Variants in TAF12 observed in about 807,000 individuals in gnomAD.
The protein encoded by TAF12 is TATA-box binding protein associated factor 12, also known as transcription initiation factor TFIID subunit 12.
Under a neutral mutation model 20.8 loss-of-function variants are expected in TAF12, and 3 were observed. The ratio of observed to expected loss-of-function variants is 0.14; its 90% CI spans 0.07 to 0.37. The LOEUF (loss-of-function observed/expected upper bound fraction) is 0.37, where lower values mean the gene tolerates loss of function less well. TAF12 is among the 10% of genes least tolerant of loss of function. The probability of loss-of-function intolerance (pLI) is 1.00; values close to 1 mark genes in which losing one functional copy is unlikely to be tolerated. For synonymous variants in TAF12, 69 were observed against 70.2 expected, an observed-to-expected ratio of 0.98 and a Z score of 0.09; for missense variants, 131 against 197.9, an observed-to-expected ratio of 0.66 and a Z score of 2.03.
chr1:28,643,288 G>A (rs1004833080), upstream of TAF12: 2 of 179,124 alleles, frequency 1.1e-5, no homozygotes, highest in Non-Finnish European at 2.2e-5. Context: ...ATTCCAACCC[G>A]GCGTTAAGAA....
intron 3 of TAF12, among the ~76,000 whole-genome samples, chr1:28,614,304 C>G (rs989439338): frequency 6.6e-6 from 1 of 152,044 alleles, no homozygotes; most frequent in Non-Finnish European, 1.5e-5. Context: ...TGGCTCACAC[C>G]TATAATCCCA....
chr1:28,641,240 G>A (rs991667439), intron 1 of TAF12, among the ~76,000 whole-genome samples: 44 of 151,980 alleles, frequency 2.9e-4, no homozygotes, highest in Admixed American at 3.9e-4. Context: ...CCAGCACTTC[G>A]GGAGGCTGAG....
intron 3 of TAF12, among the ~76,000 whole-genome samples, chr1:28,616,395 CAAAA>C (rs534264411): frequency 1.4e-5 from 1 of 73,204 alleles, no homozygotes; most frequent in Non-Finnish European, 2.8e-5. Flanking sequence ...GATTCTGTCT[CAAAA>C]AAAAAAAAAA....
intron 1 of TAF12, among the ~76,000 whole-genome samples, chr1:28,628,022 G>C (rs942395500): frequency 2.0e-5 from 3 of 151,896 alleles, no homozygotes; most frequent in Admixed American, 1.3e-4. Context: ...GAGCATTCAA[G>C]ATCTGTGAAT....
chr1:28,632,477 T>C lies in TAF12; in HGVS notation c.-84-10312A>G, dbSNP rs4252978. Among the ~76,000 whole-genome samples, 686 of 152,014 alleles carry C rather than the reference T, an allele frequency of 4.5e-3. 3 individuals carry two copies. The highest frequency in any genetic ancestry group is 7.5e-3 in the Non-Finnish European group (511 of 67,974). On this transcript the variant is annotated intron_variant, in intron 1 of 5. Transcript: ENST00000373824. ...GTTGCAGTGTGCAGAGATCGCACCA[T>C]TGCACTCCAGCCTGGGCAGCAGAGT...
At chr1:28,639,078 C>T (rs1667943770) in intron 1 of TAF12, among the ~76,000 whole-genome samples, 1 of 151,656 alleles carries the variant, frequency 6.6e-6, no homozygotes, top group African/African-American at 2.4e-5. Flanking sequence ...CCCGGCTGGC[C>T]TATTTTAATT....
At chr1:28,617,323 T>C (rs1411816780) in intron 3 of TAF12, among the ~76,000 whole-genome samples, 1 of 152,156 alleles carries the variant, frequency 6.6e-6, no homozygotes, top group East Asian at 1.9e-4. Flanking sequence ...TGTGCTCTTA[T>C]TTTATTTATT....
intron 2 of TAF12, among the ~76,000 whole-genome samples, chr1:28,620,022 C>T (rs144937785): frequency 6.6e-6 from 1 of 151,802 alleles, no homozygotes; most frequent in Non-Finnish European, 1.5e-5. Flanking sequence ...AAAATGCTAA[C>T]CATGGCTATT....
At chr1:28,616,608 C>A (rs1376819679) in intron 3 of TAF12, among the ~76,000 whole-genome samples, 2 of 151,684 alleles carry the variant, frequency 1.3e-5, no homozygotes, top group Non-Finnish European at 1.5e-5. Flanking sequence ...GTGGCACATG[C>A]CTATAATCCC....
intron 1 of TAF12, among the ~76,000 whole-genome samples, chr1:28,634,285 G>T (rs191174392): frequency 6.6e-6 from 1 of 151,522 alleles, no homozygotes; most frequent in Non-Finnish European, 1.5e-5. Flanking sequence ...GCGTGGTGGC[G>T]CTTGCCTGTA....
At chr1:28,632,666 A>T (rs1351051455) in intron 1 of TAF12, among the ~76,000 whole-genome samples, 1 of 152,102 alleles carries the variant, frequency 6.6e-6, no homozygotes, top group Non-Finnish European at 1.5e-5. Context: ...ATAGGGATGG[A>T]AAACAGATCA....
chr1:28,636,530 C>T (rs1419839951), intron 1 of TAF12, among the ~76,000 whole-genome samples: 1 of 151,476 alleles, frequency 6.6e-6, no homozygotes, highest in Non-Finnish European at 1.5e-5. Flanking sequence ...GTGGCTCACA[C>T]CTATAATTCT....
rs542448946 is a variant in TAF12, at chr1:28,606,067, C to T, written c.362-607G>A. ...AAGTTGGAGTGCAGTGGTGCGATCT[C>T]GGCTCACTGAAACCTCTGCCACCTG... On this transcript the variant is annotated intron_variant, in intron 4 of 5. Coordinates refer to ENST00000373824, the MANE Select transcript of TAF12 (RefSeq NM_005644.4). Among the ~76,000 whole-genome samples the T allele has an allele frequency of 2.6e-5, 4 of 152,014 alleles. No individual in the cohort carries two copies. In the South Asian group the frequency reaches 6.2e-4, roughly 24 times the overall value.
chr1:28,635,896 C>T (rs1182863274), intron 1 of TAF12, among the ~76,000 whole-genome samples: 1 of 151,414 alleles, frequency 6.6e-6, no homozygotes, highest in African/African-American at 2.4e-5. Context: ...CCTTTTTTTA[C>T]CTCTGAAATG....
At chr1:28,638,618 C>T (rs781079679) in intron 1 of TAF12, among the ~76,000 whole-genome samples, 3 of 149,060 alleles carry the variant, frequency 2.0e-5, no homozygotes, top group Non-Finnish European at 1.5e-5. Context: ...CCCAGGTAGC[C>T]GGGATTATAA....
intron 1 of TAF12, among the ~76,000 whole-genome samples, chr1:28,640,652 C>A (rs1276565514): frequency 1.3e-5 from 2 of 152,172 alleles, no homozygotes; most frequent in Non-Finnish European, 1.5e-5. Context: ...AAGGAAGTGA[C>A]TGGTGCAAGT....
intron 2 of TAF12, among the ~76,000 whole-genome samples, chr1:28,619,302 G>A (rs1667133396): frequency 6.6e-6 from 1 of 151,430 alleles, no homozygotes; most frequent in African/African-American, 2.4e-5. Context: ...GACCATCCTG[G>A]CTAACACGGT....
chr1:28,647,246 ATC>A, upstream of TAF12, among the ~76,000 whole-genome samples: 1 of 152,092 alleles, frequency 6.6e-6, no homozygotes, highest in Non-Finnish European at 1.5e-5. Context: ...ATTTTATAAC[ATC>A]TCTGTGCTGT....
In TAF12 at chr1:28,630,581, T is replaced by C. The variant is rs1288729479; in HGVS notation, c.-84-8416A>G. ...AAAAAAAAATTCAAAACTGATCATATACCTAATGTAAAAATATACAACTTC... is the reference window on the plus strand; with the variant it reads ...AAAAAAAAATTCAAAACTGATCATACACCTAATGTAAAAATATACAACTTC... On this transcript the variant is annotated intron_variant, in intron 1 of 5. Coordinates refer to ENST00000373824, the MANE Select transcript of TAF12 (RefSeq NM_005644.4). 2.6e-5 allele frequency among the ~76,000 whole-genome samples: 4 copies of C among 151,610 alleles called. No homozygotes were observed. In the South Asian group the frequency reaches 6.3e-4, roughly 24 times the overall value.
Sources: gnomAD v4.1 joint callset for allele counts (sites outside exome capture counted in the v4.1 genomes callset) on GRCh38, gnomAD v4.1.1 for gene constraint, MANE v1.5 for transcripts, NCBI Gene and HGNC (gene_info 2026-07-23, HGNC 2026-07-21) for gene names.